The following OSGIN2 variants were observed in gnomAD, a reference collection of about 807,000 sequenced individuals.
The protein encoded by OSGIN2 is oxidative stress-induced growth inhibitor 2.
In OSGIN2, 19 loss-of-function variants were observed where a neutral mutation model predicts 53.8. That is an observed-to-expected ratio of 0.35 (90% CI 0.25 to 0.52). The LOEUF (loss-of-function observed/expected upper bound fraction) is 0.52. Ranked by LOEUF, OSGIN2 falls within the 20% of genes least tolerant of loss-of-function variation. The pLI, the probability that OSGIN2 is intolerant of heterozygous loss-of-function variation, is 0.95. For missense variants in OSGIN2, 520 were observed against 662.7 expected, an observed-to-expected ratio of 0.78 and a Z score of 2.36; for synonymous variants, 236 against 236.0, an observed-to-expected ratio of 1.00 and a Z score of 0.00.
At chr8:89,912,731 C>A (rs1046954231) in intron 2 of OSGIN2, among the ~76,000 whole-genome samples, 1 of 150,956 alleles carries the variant, frequency 6.6e-6, no homozygotes, top group Non-Finnish European at 1.5e-5. Flanking sequence ...GGTGACACAG[C>A]GAGACTCTGT....
chr8:89,917,537 G>T (rs1472561380), intron 4 of OSGIN2, among the ~76,000 whole-genome samples: 1 of 152,010 alleles, frequency 6.6e-6, no homozygotes, highest in Non-Finnish European at 1.5e-5. Context: ...TGAGCAGTCA[G>T]ACCCCCAGAA....
rs1193328735 is a variant in OSGIN2 at position 89,924,794 on chromosome 8, G to C, written c.912G>C (p.Leu304=). The C allele has an allele frequency of 1.9e-6, 3 of 1,614,006 alleles. No homozygotes were observed. The South Asian group carries it at 3.3e-5, about 18-fold the overall frequency. Residue 304 remains leucine, a synonymous_variant, in exon 6 of 6, where the codon CTG becomes CTC. Coordinates refer to ENST00000451899, the MANE Select transcript of OSGIN2 (RefSeq NM_001126111.3). ...GCCTCTTTGCTGAGAATGTAGCGCT[G>C]GCAACTGGAACGCTGGATTCTCCTG... is the stretch of plus-strand genomic sequence containing the variant. ...PFCLFAENVA[L]ATGTLDSPAH... is the part of the protein sequence containing the mutation.
In OSGIN2 at chr8:89,926,419, A is replaced by G. The variant is rs1043529786; in HGVS notation, c.*887A>G. 47 of 152,744 alleles carry G rather than the reference A, an allele frequency of 3.1e-4. No homozygotes were observed. The highest frequency in any genetic ancestry group is 1.1e-3 in the African/African-American group (44 of 41,590). The allele number at this position is 152,744 out of a possible 1,614,324, so 9.5% of individuals were successfully genotyped here. ...CTACTTATCCCTGTGTGAACATTGAATTACTTTCTGTCACTGAAACTGAGG... is the reference window on the plus strand; with the variant it reads ...CTACTTATCCCTGTGTGAACATTGAGTTACTTTCTGTCACTGAAACTGAGG... On this transcript the variant is annotated 3_prime_UTR_variant, in exon 6 of 6. Transcript: ENST00000451899.
At chr8:89,922,169 C>T (rs995041609) in intron 5 of OSGIN2, among the ~76,000 whole-genome samples, 3 of 152,110 alleles carry the variant, frequency 2.0e-5, no homozygotes, top group African/African-American at 4.8e-5. Context: ...TAAGAAGTTA[C>T]GTAACCTTTG....
chr8:89,927,735 CTA>C lies in OSGIN2; in HGVS notation c.*2205_*2206del, dbSNP rs764760071. ...TTAATTACAGCTTCCAGTGTTTTGA[CTA>C]TGTGAACCATATCCAACTACTTTTT... On this transcript the variant is annotated 3_prime_UTR_variant, in exon 6 of 6. Coordinates refer to ENST00000451899, the MANE Select transcript of OSGIN2 (RefSeq NM_001126111.3). 1 of 152,208 alleles carries C rather than the reference CTA, an allele frequency of 6.6e-6. No individual in the cohort carries two copies. Among genetic ancestry groups the C allele is most frequent in the Non-Finnish European group, 1.5e-5 (1 of 68,038 alleles). The allele number at this position is 152,208 out of a possible 1,614,324, so 9.4% of individuals were successfully genotyped here. A position where few individuals can be genotyped will look rare whatever the true frequency, so the allele number is the denominator to read the frequency against.
intron 1 of OSGIN2, 102 bp downstream of exon 1, chr8:89,902,939 T>TG (rs1157570123): frequency 4.3e-6 from 3 of 699,794 alleles, no homozygotes; most frequent in Non-Finnish European, 5.8e-6. Flanking sequence ...GGCGAGCGCC[T>TG]GGACCGCAGC....
At chr8:89,918,037 T>A (rs117187125) in intron 4 of OSGIN2, among the ~76,000 whole-genome samples, 1 of 152,244 alleles carries the variant, frequency 6.6e-6, no homozygotes, top group Non-Finnish European at 1.5e-5. Flanking sequence ...TACCTATACA[T>A]ACTTCTCCCT....
intron 2 of OSGIN2, 94 bp downstream of exon 2, chr8:89,909,815 G>T: frequency 1.2e-6 from 1 of 800,430 alleles, no homozygotes; most frequent in South Asian, 3.3e-5. Flanking sequence ...AGATTTTATT[G>T]AAAAGTATTC....
At position 89,912,764 on chromosome 8, in the gene OSGIN2, A is replaced by G. The variant is rs529818050; in HGVS notation, c.200-1313A>G. Among the ~76,000 whole-genome samples, 13 of 151,992 alleles carry G rather than the reference A, an allele frequency of 8.6e-5. No individual in the cohort carries two copies. The East Asian group carries it at 1.9e-3, about 23-fold the overall frequency. On this transcript the variant is annotated intron_variant, in intron 2 of 5. Transcript: ENST00000451899. ...TGTCTGAAAAAAAAAAACACAACGAAAAAAACAAAACTCCTGATCCCTCCT... is the reference window on the plus strand; with the variant it reads ...TGTCTGAAAAAAAAAAACACAACGAGAAAAACAAAACTCCTGATCCCTCCT...
At chr8:89,920,957 A>T in intron 4 of OSGIN2, 123 bp from the exon 5 acceptor site, 1 of 608,078 alleles carries the variant, frequency 1.6e-6, no homozygotes, top group Non-Finnish European at 2.9e-6. Flanking sequence ...GGACTGCAGG[A>T]GCGCACCTTG....
chr8:89,906,007 C>T (rs905063774), intron 1 of OSGIN2, among the ~76,000 whole-genome samples: 7 of 152,096 alleles, frequency 4.6e-5, no homozygotes, highest in African/African-American at 1.7e-4. Flanking sequence ...CTGAAAACTA[C>T]AAAATGTTGA....
At chr8:89,909,457 A>G (rs1344868245) in intron 1 of OSGIN2, 110 bp from the exon 2 acceptor site, 10 of 591,184 alleles carry the variant, frequency 1.7e-5, no homozygotes, top group East Asian at 6.3e-5. Context: ...TGCTTCTTTT[A>G]TGGAATGATT....
intron 1 of OSGIN2, among the ~76,000 whole-genome samples, chr8:89,904,049 C>G (rs1231020800): frequency 5.3e-5 from 8 of 152,204 alleles, no homozygotes; most frequent in African/African-American, 1.7e-4. Context: ...CCAAGCTTGT[C>G]TAACCTCTCA....
At position 89,926,817 on chromosome 8, in the gene OSGIN2, C is replaced by T. The variant is rs1240991926; in HGVS notation, c.*1285C>T. The stretch of plus-strand genomic sequence containing the variant: ...TCATTGAACTCGTTATTCTATTTTT[C>T]TTAGAATTAAAAGTGGATTAATGTG... On this transcript the variant is annotated 3_prime_UTR_variant, in exon 6 of 6. Transcript: ENST00000451899. 6.6e-6 allele frequency: 1 copy of T among 152,016 alleles called. No homozygotes were observed. Among genetic ancestry groups the T allele is most frequent in the Non-Finnish European group, 1.5e-5 (1 of 67,960 alleles). The allele number at this position is 152,016 out of a possible 1,614,324, so 9.4% of individuals were successfully genotyped here. A position where few individuals can be genotyped will look rare whatever the true frequency, so the allele number is the denominator to read the frequency against.
In OSGIN2 at chr8:89,921,080, A is replaced by T; in HGVS notation, c.529A>T (p.Asn177Tyr). ...GKGPPGGAWH[N>Y]MEGSMLTISF... ...CATTTTTTTTTTTAAACTCTAATAG[A>T]ATATGGAAGGCTCCATGTTGACAAT... Residue 177 changes from asparagine to tyrosine, a missense_variant and splice_region_variant, in exon 5 of 6, where the codon AAT becomes TAT. Coordinates refer to ENST00000451899, the MANE Select transcript of OSGIN2 (RefSeq NM_001126111.3). 6.4e-7 allele frequency: 1 copy of T among 1,564,296 alleles called. No individual in the cohort carries two copies. Among genetic ancestry groups the T allele is most frequent in the Non-Finnish European group, 8.7e-7 (1 of 1,149,298 alleles).
chr8:89,925,520 T>C lies in OSGIN2; in HGVS notation c.1638T>C (p.Asp546=). The stretch of plus-strand genomic sequence containing the variant: ...TGTTTGTTGAAAGAGGAGGAGGAGA[T>C]GGGATAGCTTAAAGCAAGTTTACAA... The part of the protein sequence containing the change: ...KHLFVERGGG[D]GIA Residue 546 remains aspartate (D), a synonymous_variant, in exon 6 of 6, where the codon GAT becomes GAC. Coordinates refer to ENST00000451899, the MANE Select transcript of OSGIN2 (RefSeq NM_001126111.3). 1 of 1,611,798 alleles carries C rather than the reference T, an allele frequency of 6.2e-7. No individual in the cohort carries two copies. The highest frequency in any genetic ancestry group is 8.5e-7 in the Non-Finnish European group (1 of 1,178,722).
intron 4 of OSGIN2, among the ~76,000 whole-genome samples, chr8:89,916,288 C>A (rs1322981265): frequency 6.6e-6 from 1 of 152,040 alleles, no homozygotes; most frequent in Non-Finnish European, 1.5e-5. Context: ...TATGGATAAA[C>A]CCTGATTACT....
In OSGIN2 at chr8:89,925,740, A is replaced by G; in HGVS notation, c.*208A>G. 2.1e-6 allele frequency: 1 copy of G among 477,734 alleles called. No individual in the cohort carries two copies. Among genetic ancestry groups the G allele is most frequent in the South Asian group, 4.2e-5 (1 of 23,842 alleles). The allele number at this position is 477,734 out of a possible 1,614,324, so 29.6% of individuals were successfully genotyped here. ...AGGTGTCACTGTCAGACAAATAGAAACACTGCCAACTTGGTGTAACTTAAG... is the reference window on the plus strand; with the variant it reads ...AGGTGTCACTGTCAGACAAATAGAAGCACTGCCAACTTGGTGTAACTTAAG... On this transcript the variant is annotated 3_prime_UTR_variant, in exon 6 of 6. Coordinates refer to ENST00000451899, the MANE Select transcript of OSGIN2 (RefSeq NM_001126111.3).
Position 89,927,852 on chromosome 8 carries a change from TA to T in OSGIN2, c.*2323del, listed in dbSNP as rs1426668396. The T allele has an allele frequency of 6.6e-6, 1 of 152,212 alleles. No homozygotes were observed. Among genetic ancestry groups the T allele is most frequent in the Non-Finnish European group, 1.5e-5 (1 of 68,036 alleles). The allele number at this position is 152,212 out of a possible 1,614,324, so 9.4% of individuals were successfully genotyped here. On this transcript the variant is annotated 3_prime_UTR_variant, in exon 6 of 6. Transcript: ENST00000451899. ...TAGGAAGTGGTGGAAAATTTCTAAATAAATTCAACTATTAAATAAATGCAAG... is the reference window on the plus strand; with the variant it reads ...TAGGAAGTGGTGGAAAATTTCTAAATAATTCAACTATTAAATAAATGCAAG...
Sources: allele counts gnomAD v4.1 joint callset (sites outside exome capture counted in the v4.1 genomes callset), GRCh38; gene constraint gnomAD v4.1.1; transcripts MANE v1.5; gene names NCBI Gene and HGNC (gene_info 2026-07-23, HGNC 2026-07-21).